TNS3: variants seen among roughly 807,000 people sequenced by gnomAD.
The protein encoded by TNS3 is tensin-3.
A neutral mutation model predicts 140.9 loss-of-function variants in TNS3; 45 were observed. That is an observed-to-expected ratio of 0.32 (90% CI 0.25 to 0.41). The LOEUF (loss-of-function observed/expected upper bound fraction) is 0.41. Among genes scored for constraint, TNS3 ranks in the 10% least tolerant of loss-of-function variants. TNS3 has a pLI of 1.00. For synonymous variants in TNS3, 815 were observed against 788.4 expected, an observed-to-expected ratio of 1.03 and a Z score of -0.56; for missense variants, 1,716 against 1,906.7, an observed-to-expected ratio of 0.90 and a Z score of 1.86.
At chr7:47,357,542 G>A (rs1017757152) in intron 17 of TNS3, among the ~76,000 whole-genome samples, 5 of 152,158 alleles carry the variant, frequency 3.3e-5, no homozygotes, top group Admixed American at 6.5e-5. Flanking sequence ...CCCCTTCCAC[G>A]TGGAGGGCAT....
chr7:47,293,831 G>A lies in TNS3; in HGVS notation c.3677-3C>T, dbSNP rs1018082859. 1.8e-5 allele frequency: 29 copies of A among 1,614,162 alleles called. No individual in the cohort carries two copies. The highest frequency in any genetic ancestry group is 2.4e-5 in the Non-Finnish European group (28 of 1,179,982). The stretch of plus-strand genomic sequence containing the variant: ...GAGTTCATTGGCCAAATCTCCAGCT[G>A]TGGCAAGAAATTTAAAGAAAGAAGA... On this transcript the variant is annotated splice_polypyrimidine_tract_variant and splice_region_variant and intron_variant, in intron 24 of 30. Coordinates refer to ENST00000311160, the MANE Select transcript of TNS3 (RefSeq NM_022748.12).
intron 16 of TNS3, among the ~76,000 whole-genome samples, chr7:47,382,863 C>T (rs1422092292): frequency 1.3e-5 from 2 of 152,152 alleles, no homozygotes; most frequent in East Asian, 1.9e-4. Flanking sequence ...GTTCAATTAT[C>T]GTTCAAGGGA....
At chr7:47,530,858 T>TATATATATATATATATA (rs60516528) in intron 1 of TNS3, among the ~76,000 whole-genome samples, 11 of 131,598 alleles carry the variant, frequency 8.4e-5, no homozygotes, top group South Asian at 5.3e-4. Flanking sequence ...TATATATATA[T>TATATATATATATATATA]TTCTAGCACA....
At chr7:47,453,886 C>T (rs1026435015) in intron 4 of TNS3, among the ~76,000 whole-genome samples, 4 of 152,256 alleles carry the variant, frequency 2.6e-5, no homozygotes, top group African/African-American at 9.6e-5. Context: ...AGCTGTTAGA[C>T]TCACCCAGGC....
At chr7:47,481,197 A>G in intron 3 of TNS3, 56 bp from the exon 4 acceptor site, 2 of 1,257,506 alleles carry the variant, frequency 1.6e-6, no homozygotes, top group South Asian at 1.2e-5. Context: ...AAAAATTAGC[A>G]TAATAATCAA....
At chr7:47,559,804 G>A (rs75976066) in intron 1 of TNS3, among the ~76,000 whole-genome samples, 1,801 of 152,250 alleles carry the variant, frequency 0.012, 35 homozygotes, top group African/African-American at 0.041. Context: ...GGCAGCCTGG[G>A]GACCAGGACA....
chr7:47,513,326 T>G (rs1798671739), intron 2 of TNS3, among the ~76,000 whole-genome samples: 1 of 152,128 alleles, frequency 6.6e-6, no homozygotes, highest in African/African-American at 2.4e-5. Flanking sequence ...CGTGCCACTG[T>G]GCAGGCCAAT....
intron 20 of TNS3, among the ~76,000 whole-genome samples, chr7:47,322,635 A>G (rs1016745894): frequency 6.6e-6 from 1 of 152,216 alleles, no homozygotes; most frequent in East Asian, 1.9e-4. Context: ...AAAAGAAAAA[A>G]GAAAATGGTT....
intron 12 of TNS3, among the ~76,000 whole-genome samples, chr7:47,413,701 C>A (rs1793914455): frequency 6.6e-6 from 1 of 152,034 alleles, no homozygotes; most frequent in African/African-American, 2.4e-5. Flanking sequence ...TTTAATGGAG[C>A]CAACTAGTGT....
At chr7:47,571,383 C>T (rs142096344) in intron 1 of TNS3, among the ~76,000 whole-genome samples, 1 of 152,230 alleles carries the variant, frequency 6.6e-6, no homozygotes, top group Non-Finnish European at 1.5e-5. Context: ...AAAGCCTGCT[C>T]CCTTTCCGCT....
At chr7:47,415,058 GC>G in intron 11 of TNS3, 35 bp downstream of exon 11, 1 of 1,523,698 alleles carries the variant, frequency 6.6e-7, no homozygotes, top group South Asian at 1.2e-5. Flanking sequence ...GTCTGGGCCA[GC>G]CAATCGCAGG....
intron 27 of TNS3, among the ~76,000 whole-genome samples, chr7:47,287,070 C>T (rs936196068): frequency 4.6e-5 from 7 of 150,896 alleles, no homozygotes; most frequent in Non-Finnish European, 1.0e-4. Context: ...CTTTTATTTT[C>T]CATTTTTAAA....
Position 47,297,228 on chromosome 7 carries a change from G to A in TNS3, c.3545-15C>T. 1 of 1,604,562 alleles carries A rather than the reference G, an allele frequency of 6.2e-7. No homozygotes were observed. Among genetic ancestry groups the A allele is most frequent in the South Asian group, 1.1e-5 (1 of 89,430 alleles). ...CATGGCGATGGCTGGAGAAAGGGAGGAGAAAGACAAGAAGGTCTGCCGGGT... is the reference window on the plus strand; with the variant it reads ...CATGGCGATGGCTGGAGAAAGGGAGAAGAAAGACAAGAAGGTCTGCCGGGT... On this transcript the variant is annotated splice_polypyrimidine_tract_variant and intron_variant, in intron 23 of 30. Transcript: ENST00000311160.
chr7:47,534,260 G>C, intron 1 of TNS3, among the ~76,000 whole-genome samples: 1 of 151,980 alleles, frequency 6.6e-6, no homozygotes, highest in Non-Finnish European at 1.5e-5. Flanking sequence ...GGTTGACAGA[G>C]TGAGACTCCA....
At chr7:47,362,965 A>AC in intron 17 of TNS3, among the ~76,000 whole-genome samples, 1 of 292 alleles carries the variant, frequency 3.4e-3, no homozygotes, top group African/African-American at 8.8e-3. Flanking sequence ...CACCATCATC[A>AC]GAGTCATTTA....
intron 17 of TNS3, among the ~76,000 whole-genome samples, chr7:47,352,680 T>C (rs1408855371): frequency 1.3e-5 from 2 of 152,068 alleles, no homozygotes; most frequent in East Asian, 1.9e-4. Context: ...TGTAGAGGGG[T>C]TGGTTCCTGG....
At chr7:47,458,683 G>T (rs989251205) in intron 4 of TNS3, among the ~76,000 whole-genome samples, 7 of 152,132 alleles carry the variant, frequency 4.6e-5, no homozygotes, top group Non-Finnish European at 8.8e-5. Context: ...ATCCCTTCCC[G>T]CAGGTGCAGG....
chr7:47,340,421 G>A (rs1788933578), intron 20 of TNS3, among the ~76,000 whole-genome samples: 1 of 151,710 alleles, frequency 6.6e-6, no homozygotes, highest in South Asian at 2.1e-4. Context: ...CCGCCGGGCT[G>A]TGACTTATAT....
At chr7:47,418,171 A>T (rs1248932993) in intron 10 of TNS3, among the ~76,000 whole-genome samples, 4 of 152,216 alleles carry the variant, frequency 2.6e-5, no homozygotes, top group African/African-American at 9.6e-5. Flanking sequence ...GCATGGTGGC[A>T]TGCGCCTGTA....
Sources: gnomAD v4.1 joint callset for allele counts (sites outside exome capture counted in the v4.1 genomes callset) on GRCh38, gnomAD v4.1.1 for gene constraint, MANE v1.5 for transcripts, NCBI Gene and HGNC (gene_info 2026-07-23, HGNC 2026-07-21) for gene names.